CCDC146: variants seen among roughly 807,000 people sequenced by gnomAD.
The protein encoded by CCDC146 is coiled-coil domain-containing protein 146.
A neutral mutation model predicts 119.3 loss-of-function variants in CCDC146; 92 were observed. The ratio of observed to expected loss-of-function variants is 0.77; its 90% CI spans 0.65 to 0.92. CCDC146 has a LOEUF of 0.92. Ranked by LOEUF, CCDC146 falls within the 40% of genes least tolerant of loss-of-function variation. The probability of loss-of-function intolerance (pLI) is 0.00; values close to 1 mark genes in which losing one functional copy is unlikely to be tolerated. For missense variants in CCDC146, 1,000 were observed against 1,103.0 expected (o/e 0.91, Z 1.32); for synonymous variants, 372 against 371.8 (o/e 1.00, Z -0.01).
At chr7:77,224,689 C>T (rs1792471726) in intron 2 of CCDC146, among the ~76,000 whole-genome samples, 1 of 152,156 alleles carries the variant, frequency 6.6e-6, no homozygotes, top group Admixed American at 6.6e-5. Context: ...GAGAAGGCGG[C>T]AGCTACCAGA....
intron 1 of CCDC146, among the ~76,000 whole-genome samples, chr7:77,131,741 AAAAC>A (rs1312807253): frequency 6.6e-6 from 1 of 152,224 alleles, no homozygotes; most frequent in African/African-American, 2.4e-5. Flanking sequence ...ACATAAACAA[AAAAC>A]AAAAAACTCA....
intron 15 of CCDC146, among the ~76,000 whole-genome samples, chr7:77,286,243 A>G (rs1328412333): frequency 1.3e-5 from 2 of 152,188 alleles, no homozygotes; most frequent in Non-Finnish European, 2.9e-5. Context: ...AAGAGAAAGA[A>G]GCAGAGGAGC....
chr7:77,271,511 G>GAGAT (rs1562856477), intron 9 of CCDC146, among the ~76,000 whole-genome samples: 60 of 66,852 alleles, frequency 9.0e-4, no homozygotes, highest in African/African-American at 3.2e-3. Flanking sequence ...ACACTAATAG[G>GAGAT]AGATATATAT....
intron 1 of CCDC146, among the ~76,000 whole-genome samples, chr7:77,140,888 G>C (rs1790922907): frequency 1.3e-5 from 2 of 151,814 alleles, no homozygotes; most frequent in South Asian, 4.2e-4. Flanking sequence ...TTGATATATT[G>C]ATTCATCACC....
intron 13 of CCDC146, among the ~76,000 whole-genome samples, chr7:77,279,707 C>G (rs79653814): frequency 0.08 from 12,240 of 152,212 alleles, 677 homozygotes; most frequent in Non-Finnish European, 0.11. Context: ...TTATCCATAC[C>G]ATATTTCATG....
intron 10 of CCDC146, 61 bp downstream of exon 10, chr7:77,273,850 T>G: frequency 9.2e-7 from 1 of 1,086,670 alleles, no homozygotes; most frequent in South Asian, 1.3e-5. Context: ...GTTGTGCTTT[T>G]AACTGTGCTC....
At chr7:77,202,607 G>A (rs147284181) in intron 2 of CCDC146, among the ~76,000 whole-genome samples, 3 of 152,270 alleles carry the variant, frequency 2.0e-5, no homozygotes, top group Non-Finnish European at 2.9e-5. Context: ...TGACCTGCTA[G>A]GTTCTCGGTT....
chr7:77,122,799 G>A (rs1314602204), intron 1 of CCDC146, 67 bp downstream of exon 1: 1 of 154,162 alleles, frequency 6.5e-6, no homozygotes, highest in Admixed American at 6.4e-5. Context: ...TGGATGTCAA[G>A]ATCCAAGCTT....
chr7:77,271,921 C>T (rs536859351), intron 9 of CCDC146, among the ~76,000 whole-genome samples: 3 of 152,152 alleles, frequency 2.0e-5, no homozygotes, highest in East Asian at 1.9e-4. Flanking sequence ...TATTTTCTGT[C>T]GAAACCTCAT....
intron 1 of CCDC146, among the ~76,000 whole-genome samples, chr7:77,145,403 G>A (rs1340226242): frequency 6.6e-6 from 1 of 151,496 alleles, no homozygotes; most frequent in Non-Finnish European, 1.5e-5. Flanking sequence ...AGGGTTTTTT[G>A]TGTCTCTATC....
chr7:77,254,722 C>A (rs1304212336), intron 5 of CCDC146, among the ~76,000 whole-genome samples, 159 bp downstream of exon 5: 6 of 152,256 alleles, frequency 3.9e-5, no homozygotes, highest in African/African-American at 1.2e-4. Context: ...TACATAACTT[C>A]TGGAGTAAAT....
intron 2 of CCDC146, among the ~76,000 whole-genome samples, chr7:77,207,663 T>C (rs1792105687): frequency 6.6e-6 from 1 of 152,194 alleles, no homozygotes; most frequent in Non-Finnish European, 1.5e-5. Flanking sequence ...ATTGAATATA[T>C]GTTCTTAGTG....
At chr7:77,220,715 T>C (rs1792388411) in intron 2 of CCDC146, among the ~76,000 whole-genome samples, 1 of 152,186 alleles carries the variant, frequency 6.6e-6, no homozygotes, top group African/African-American at 2.4e-5. Flanking sequence ...TACTCAGGTG[T>C]TGAATTTTCT....
At chr7:77,123,459 T>C (rs1790653994) in intron 1 of CCDC146, among the ~76,000 whole-genome samples, 1 of 143,934 alleles carries the variant, frequency 6.9e-6, no homozygotes, top group African/African-American at 2.6e-5. Context: ...TGTGTGTGTT[T>C]ACCTTTTATA....
intron 5 of CCDC146, 136 bp downstream of exon 5, chr7:77,254,699 T>G (rs1374326078): frequency 1.0e-5 from 5 of 498,746 alleles, no homozygotes; most frequent in Non-Finnish European, 1.8e-5. Context: ...TGAATGATGC[T>G]GAAAAGACTA....
chr7:77,270,669 A>G (rs1355403969), intron 9 of CCDC146, among the ~76,000 whole-genome samples: 2 of 152,192 alleles, frequency 1.3e-5, no homozygotes, highest in African/African-American at 2.4e-5. Context: ...AAACTCAACT[A>G]TAATGATTTT....
chr7:77,135,069 AC>A (rs1281701061), intron 1 of CCDC146, among the ~76,000 whole-genome samples: 1 of 152,180 alleles, frequency 6.6e-6, no homozygotes, highest in Non-Finnish European at 1.5e-5. Context: ...AACTACAACC[AC>A]CATTGCTCAC....
rs376366535 is a variant in CCDC146 at position 77,261,566 on chromosome 7, T to C, written c.987-555T>C. Among the ~76,000 whole-genome samples the C allele has an allele frequency of 4.7e-4, 72 of 152,192 alleles. No homozygotes were observed. In the East Asian group the frequency reaches 0.011, roughly 23 times the overall value. ...AATCTCGGCTCACTGCAAGCTCCGC[T>C]TCCCGGGTTCACGCCATTCTCCTGC... On this transcript the variant is annotated intron_variant, in intron 8 of 18. Transcript: ENST00000285871.
intron 1 of CCDC146, among the ~76,000 whole-genome samples, chr7:77,154,619 T>C (rs1441326914): frequency 6.6e-6 from 1 of 152,042 alleles, no homozygotes; most frequent in Non-Finnish European, 1.5e-5. Flanking sequence ...TCCATGTCCC[T>C]ACAAAGGACA....
Sources: allele counts gnomAD v4.1 joint callset (sites outside exome capture counted in the v4.1 genomes callset), GRCh38; gene constraint gnomAD v4.1.1; transcripts MANE v1.5; gene names NCBI Gene and HGNC (gene_info 2026-07-23, HGNC 2026-07-21).